Variants in NAA15 observed in about 807,000 individuals in gnomAD.
The protein encoded by NAA15 is N-alpha-acetyltransferase 15, NatA auxiliary subunit, also known as N-terminal acetyltransferase.
NAA15 carries 34 observed loss-of-function variants against 114.0 expected under a neutral mutation model. The ratio of observed to expected loss-of-function variants is 0.30; its 90% CI spans 0.23 to 0.40. NAA15 has a LOEUF of 0.40. Ranked by LOEUF, NAA15 falls within the 10% of genes least tolerant of loss-of-function variation. NAA15 has a pLI of 1.00. For synonymous variants in NAA15, 340 were observed against 338.0 expected (o/e 1.01, Z -0.06); for missense variants, 658 against 1,004.5 (o/e 0.66, Z 4.66).
In NAA15 at chr4:139,357,628, A is replaced by G. The variant is rs1387196574; in HGVS notation, c.1257+73A>G. The G allele has an allele frequency of 4.2e-6, 4 of 955,880 alleles. No homozygotes were observed. The African/African-American group carries it at 5.0e-5, about 12-fold the overall frequency. The allele number at this position is 955,880 out of a possible 1,614,324, so 59.2% of individuals were successfully genotyped here. A position where few individuals can be genotyped will look rare whatever the true frequency, so the allele number is the denominator to read the frequency against. On this transcript the variant is annotated intron_variant, in intron 11 of 19. Coordinates refer to ENST00000296543, the MANE Select transcript of NAA15 (RefSeq NM_057175.5). ...TGAACTTTTTCTCTGTATTTTATAG[A>G]TTCTAAATATAGGAAAAGTGACATT...
At chr4:139,359,716 G>C (rs1484489893) in intron 11 of NAA15, 27 bp from the exon 12 acceptor site, 1 of 1,577,842 alleles carries the variant, frequency 6.3e-7, no homozygotes. Flanking sequence ...ATGCTAACTG[G>C]TTTATTTTGC....
At chr4:139,342,595 G>A (rs936904557) in intron 4 of NAA15, among the ~76,000 whole-genome samples, 12 of 151,376 alleles carry the variant, frequency 7.9e-5, no homozygotes, top group African/African-American at 1.7e-4. Context: ...GACCACAGGC[G>A]TGCACCACCA....
chr4:139,375,488 A>G (rs1186189764), intron 15 of NAA15, among the ~76,000 whole-genome samples: 4 of 151,894 alleles, frequency 2.6e-5, no homozygotes, highest in African/African-American at 9.7e-5. Flanking sequence ...ATGCAGTGAA[A>G]CAATTTTCTT....
intron 1 of NAA15, among the ~76,000 whole-genome samples, chr4:139,318,702 A>G (rs1417419944): frequency 2.0e-5 from 3 of 152,014 alleles, no homozygotes; most frequent in Admixed American, 1.3e-4. Context: ...AAAAATACAG[A>G]AATTAGCCTG....
chr4:139,360,358 C>A, intron 12 of NAA15, 142 bp from the exon 13 acceptor site: 1 of 590,908 alleles, frequency 1.7e-6, no homozygotes. Flanking sequence ...GTTGTTTTCC[C>A]ATGTTAACTA....
intron 6 of NAA15, among the ~76,000 whole-genome samples, chr4:139,348,433 A>G (rs1747671317): frequency 6.7e-6 from 1 of 149,246 alleles, no homozygotes; most frequent in Admixed American, 6.7e-5. Context: ...AGCTGGGGTG[A>G]CAGAGCAAGA....
chr4:139,301,961 C>T (rs1221999140), intron 1 of NAA15, 130 bp downstream of exon 1: 5 of 978,520 alleles, frequency 5.1e-6, no homozygotes, highest in South Asian at 1.6e-5. Flanking sequence ...TCTCGTCAGG[C>T]CGAATGCATT....
At position 139,388,112 on chromosome 4, in the gene NAA15, C is replaced by T. The variant is rs1748959008; in HGVS notation, c.*28C>T. On this transcript the variant is annotated 3_prime_UTR_variant, in exon 20 of 20. Transcript: ENST00000296543. ...ATCACTAAACAAGCAAATGGAATGA[C>T]TTTGGACCATATCTAGTATATAATA... 1 of 1,598,656 alleles carries T rather than the reference C, an allele frequency of 6.3e-7. No individual in the cohort carries two copies.
chr4:139,332,585 T>TTTTTTG (rs1747056123), intron 1 of NAA15, among the ~76,000 whole-genome samples: 1 of 124,224 alleles, frequency 8.0e-6, no homozygotes, highest in Non-Finnish European at 1.7e-5. Context: ...TTTTTTTTTT[T>TTTTTTG]TTTTTTTTTT....
rs1197847057 is a variant in NAA15, at chr4:139,391,219, T to C, written c.*3135T>C. ...TTATAAACAAAGTTTCATGATACCA[T>C]TCTGCTATCATCTAAACTTTGCTGA... On this transcript the variant is annotated 3_prime_UTR_variant, in exon 20 of 20. Coordinates refer to ENST00000296543, the MANE Select transcript of NAA15 (RefSeq NM_057175.5). The C allele has an allele frequency of 6.6e-6, 1 of 152,226 alleles. No individual in the cohort carries two copies. Among genetic ancestry groups the C allele is most frequent in the Non-Finnish European group, 1.5e-5 (1 of 68,042 alleles). 9.4% of individuals were successfully genotyped at this position (152,226 alleles called of 1,614,324 possible).
intron 17 of NAA15, among the ~76,000 whole-genome samples, chr4:139,379,682 C>T (rs1748686770): frequency 6.6e-6 from 1 of 152,142 alleles, no homozygotes; most frequent in Admixed American, 6.6e-5. Flanking sequence ...CAACTCCATA[C>T]ATTTAAAACT....
Position 139,301,675 on chromosome 4 carries a change from A to G in NAA15, c.-103A>G, listed in dbSNP as rs190873231. The G allele has an allele frequency of 2.5e-4, 334 of 1,342,336 alleles. 2 individuals are homozygous for G. The African/African-American group carries it at 4.4e-3, about 18-fold the overall frequency. The allele number at this position is 1,342,336 out of a possible 1,614,324, so 83.2% of individuals were successfully genotyped here. A position where few individuals can be genotyped will look rare whatever the true frequency, so the allele number is the denominator to read the frequency against. On this transcript the variant is annotated 5_prime_UTR_variant, in exon 1 of 20. Transcript: ENST00000296543. ...GAGGCCTGGTGGTGGCGGCGGATCG[A>G]GATATTCAAGGCTGAAGCAGCTACG...
At chr4:139,318,338 G>A (rs992314106) in intron 1 of NAA15, 3 of 151,732 alleles carry the variant, frequency 2.0e-5, no homozygotes, top group East Asian at 1.9e-4. Context: ...CGGTTCCCCC[G>A]TTTGTTTTTT....
chr4:139,314,805 AT>A (rs1746327344), intron 1 of NAA15, among the ~76,000 whole-genome samples: 1 of 151,422 alleles, frequency 6.6e-6, no homozygotes, highest in Non-Finnish European at 1.5e-5. Flanking sequence ...AGCCTCCTGA[AT>A]AGCTGGGATT....
At chr4:139,362,081 A>G (rs767163109) in intron 14 of NAA15, 144 bp downstream of exon 14, 100 of 485,808 alleles carry the variant, frequency 2.1e-4, no homozygotes, top group Non-Finnish European at 3.2e-4. Context: ...ACAAAAGAAA[A>G]ATGTTTACTT....
At chr4:139,379,738 T>C (rs1248061652) in intron 17 of NAA15, among the ~76,000 whole-genome samples, 2 of 152,170 alleles carry the variant, frequency 1.3e-5, no homozygotes, top group Non-Finnish European at 1.5e-5. Flanking sequence ...AATGCTAAAT[T>C]GTCCCAATTG....
In NAA15 at chr4:139,340,947, A is replaced by T. The variant is rs2110911005; in HGVS notation, c.280A>T (p.Lys94Ter). Residue 94 changes from lysine to a stop codon, truncating the protein, a stop_gained, in exon 4 of 20, where the codon AAG (lysine) becomes TAG (stop). Coordinates refer to ENST00000296543, the MANE Select transcript of NAA15 (RefSeq NM_057175.5). LOFTEE classifies it high-confidence loss of function. ...TTATGGCCTTCTTCAGAGGTCAGAC[A>T]AGAAGTATGATGAAGCCATTAAGTG... ...HVYGLLQRSD[K>*]KYDEAIKCYR... The T allele has an allele frequency of 6.2e-7, 1 of 1,601,566 alleles. No individual in the cohort carries two copies. The highest frequency in any genetic ancestry group is 8.5e-7 in the Non-Finnish European group (1 of 1,175,222).
intron 1 of NAA15, among the ~76,000 whole-genome samples, chr4:139,307,065 T>C (rs1325942319): frequency 1.3e-5 from 2 of 152,216 alleles, no homozygotes; most frequent in African/African-American, 2.4e-5. Context: ...TTTTCTTTCC[T>C]AGAAAAGTGG....
rs764578653 is a variant in NAA15, at chr4:139,388,254, A to T, written c.*170A>T. On this transcript the variant is annotated 3_prime_UTR_variant, in exon 20 of 20. Coordinates refer to ENST00000296543, the MANE Select transcript of NAA15 (RefSeq NM_057175.5). Reference sequence around the variant, plus strand: ...CCTGCTGAAAAAGTATATATAAAATATCTAACATTACAGGATAGAGGTTCA... The same window carrying T: ...CCTGCTGAAAAAGTATATATAAAATTTCTAACATTACAGGATAGAGGTTCA... 1 of 543,956 alleles carries T rather than the reference A, an allele frequency of 1.8e-6. No homozygotes were observed. The highest frequency in any genetic ancestry group is 3.2e-6 in the Non-Finnish European group (1 of 314,804). 33.7% of individuals were successfully genotyped at this position (543,956 alleles called of 1,614,324 possible).
Sources: gnomAD v4.1 joint callset for allele counts (sites outside exome capture counted in the v4.1 genomes callset) on GRCh38, gnomAD v4.1.1 for gene constraint, MANE v1.5 for transcripts, NCBI Gene and HGNC (gene_info 2026-07-23, HGNC 2026-07-21) for gene names.